The following AGMO variants were observed in gnomAD, a reference collection of about 807,000 sequenced individuals.
The protein encoded by AGMO is glyceryl-ether monooxygenase.
In AGMO, 75 loss-of-function variants were observed where a neutral mutation model predicts 60.2. The observed-to-expected ratio is 1.25, with a 90% confidence interval of 1.03 to 1.51. The LOEUF (loss-of-function observed/expected upper bound fraction) is 1.51. Among genes scored for constraint, AGMO ranks in the 40% most tolerant of loss-of-function variants. The probability of loss-of-function intolerance (pLI) is 0.00; values close to 1 mark genes in which losing one functional copy is unlikely to be tolerated. For missense variants in AGMO, 763 were observed against 525.5 expected (o/e 1.45, Z -4.42); for synonymous variants, 261 against 177.1 (o/e 1.47, Z -3.76).
chr7:15,551,251 C>T (rs1784952618), intron 2 of AGMO, among the ~76,000 whole-genome samples: 1 of 152,218 alleles, frequency 6.6e-6, no homozygotes, highest in African/African-American at 2.4e-5. Context: ...CCTTTGAAAA[C>T]TGGCATAAGA....
intron 3 of AGMO, among the ~76,000 whole-genome samples, chr7:15,491,584 A>T (rs1405486272): frequency 6.6e-6 from 1 of 152,232 alleles, no homozygotes; most frequent in Non-Finnish European, 1.5e-5. Context: ...TTAGCAACAG[A>T]AAATAAATCA....
In AGMO at chr7:15,488,807, T is replaced by G. The variant is rs147868098; in HGVS notation, c.409+55965A>C. On this transcript the variant is annotated intron_variant, in intron 3 of 12. Coordinates refer to ENST00000342526, the MANE Select transcript of AGMO (RefSeq NM_001004320.2). ...GTTACATAAGGGCACATTCGGTTGT[T>G]TTTTTTTTACAATTAACCATGTGTA... Among the ~76,000 whole-genome samples the G allele has an allele frequency of 2.4e-3, 362 of 151,274 alleles. 2 individuals are homozygous for G. Among genetic ancestry groups the G allele is most frequent in the African/African-American group, 8.1e-3 (335 of 41,248 alleles).
intron 12 of AGMO, among the ~76,000 whole-genome samples, chr7:15,344,131 T>C (rs1781951595): frequency 6.6e-6 from 1 of 152,148 alleles, no homozygotes. Context: ...ATTTAGAAAA[T>C]GATGCATATT....
chr7:15,342,702 A>G (rs1361617689), intron 12 of AGMO, among the ~76,000 whole-genome samples: 1 of 147,018 alleles, frequency 6.8e-6, no homozygotes, highest in Non-Finnish European at 1.5e-5. Flanking sequence ...TATTTAGAAA[A>G]GGAACTGTCA....
chr7:15,147,943 A>G, the AGMO span, among the ~76,000 whole-genome samples: 5 of 152,236 alleles, frequency 3.3e-5, no homozygotes, highest in Non-Finnish European at 5.9e-5. Flanking sequence ...TATGCTTGTC[A>G]TAACTTCAAA....
chr7:15,267,774 T>C (rs1284091155), intron 12 of AGMO, among the ~76,000 whole-genome samples: 2 of 151,928 alleles, frequency 1.3e-5, no homozygotes, highest in Non-Finnish European at 2.9e-5. Context: ...GAAAAACTTG[T>C]AACAAAATGG....
the AGMO span, among the ~76,000 whole-genome samples, chr7:15,151,540 T>A: frequency 6.6e-6 from 1 of 152,170 alleles, no homozygotes; most frequent in Non-Finnish European, 1.5e-5. Flanking sequence ...AAGAATTTTT[T>A]TCTGTTTTAA....
chr7:15,533,080 C>T (rs116831317), intron 3 of AGMO, among the ~76,000 whole-genome samples: 1 of 152,076 alleles, frequency 6.6e-6, no homozygotes, highest in East Asian at 1.9e-4. Context: ...TTGGCAATAC[C>T]TCTCAGAGTA....
At chr7:15,127,623 T>C in the AGMO span, among the ~76,000 whole-genome samples, 5 of 152,072 alleles carry the variant, frequency 3.3e-5, no homozygotes, top group African/African-American at 1.2e-4. Context: ...AATCATCCCA[T>C]AACAAAATTC....
chr7:15,290,184 A>G lies in AGMO; in HGVS notation c.1263+75330T>C, dbSNP rs1049785763. On this transcript the variant is annotated intron_variant, in intron 12 of 12. Transcript: ENST00000342526. ...AGCTGGGATTAGAGGTATGCGCCAC[A>G]CACCTGGCTAATTTTTGTATTTTCA... Among the ~76,000 whole-genome samples, 3 of 151,488 alleles carry G rather than the reference A, an allele frequency of 2.0e-5. No homozygotes were observed. The East Asian group carries it at 5.8e-4, about 29-fold the overall frequency.
intron 4 of AGMO, among the ~76,000 whole-genome samples, chr7:15,419,673 T>A (rs539464125): frequency 8.1e-6 from 1 of 124,144 alleles, no homozygotes; most frequent in African/African-American, 2.9e-5. Context: ...ATAAGTAGAA[T>A]GTTTTTTTTT....
chr7:15,188,022 TCTC>T, the AGMO span, among the ~76,000 whole-genome samples: 1 of 152,104 alleles, frequency 6.6e-6, no homozygotes, highest in Non-Finnish European at 1.5e-5. Flanking sequence ...CACTCACTAT[TCTC>T]CTTTTAGTTC....
chr7:15,212,593 T>C (rs896094506), intron 12 of AGMO, among the ~76,000 whole-genome samples: 13 of 152,014 alleles, frequency 8.6e-5, no homozygotes, highest in African/African-American at 3.1e-4. Flanking sequence ...ATATTACATT[T>C]TCTACTGACT....
At chr7:15,383,588 AAAT>A (rs1339160433) in intron 10 of AGMO, among the ~76,000 whole-genome samples, 1 of 152,116 alleles carries the variant, frequency 6.6e-6, no homozygotes. Context: ...TACCTAACTA[AAAT>A]AATTCCATAG....
At chr7:15,418,754 T>C in intron 4 of AGMO, 101 bp from the exon 5 acceptor site, 1 of 709,324 alleles carries the variant, frequency 1.4e-6, no homozygotes. Context: ...AGGAAATATA[T>C]CTCATACTAT....
intron 3 of AGMO, among the ~76,000 whole-genome samples, chr7:15,515,600 T>G (rs1783786801): frequency 2.0e-5 from 3 of 152,270 alleles, no homozygotes; most frequent in African/African-American, 7.2e-5. Context: ...CATATTTAAA[T>G]GAAGGCAATA....
intron 12 of AGMO, among the ~76,000 whole-genome samples, chr7:15,218,814 C>T (rs1205595689): frequency 2.0e-5 from 3 of 151,950 alleles, no homozygotes; most frequent in Non-Finnish European, 4.4e-5. Context: ...CCACAATCAA[C>T]CTTTTGGTAG....
At chr7:15,378,932 A>C (rs982498063) in intron 10 of AGMO, among the ~76,000 whole-genome samples, 8 of 152,096 alleles carry the variant, frequency 5.3e-5, no homozygotes, top group Admixed American at 3.9e-4. Flanking sequence ...ACCACAGCAC[A>C]ATTAGAAATT....
chr7:15,199,495 G>A (rs982190090), downstream of AGMO, among the ~76,000 whole-genome samples: 10 of 151,946 alleles, frequency 6.6e-5, no homozygotes, highest in African/African-American at 2.4e-4. Flanking sequence ...TCATTCCTTG[G>A]GGAATCATTA....
Sources: gnomAD v4.1 joint callset for allele counts (sites outside exome capture counted in the v4.1 genomes callset) on GRCh38, gnomAD v4.1.1 for gene constraint, MANE v1.5 for transcripts, NCBI Gene and HGNC (gene_info 2026-07-23, HGNC 2026-07-21) for gene names.